Variants in CNTNAP5 observed in about 807,000 individuals in gnomAD.
CNTNAP5 encodes contactin-associated protein-like 5.
In CNTNAP5, 72 loss-of-function variants were observed where a neutral mutation model predicts 150.2. The observed-to-expected ratio is 0.48, with a 90% confidence interval of 0.40 to 0.58. CNTNAP5 has a LOEUF of 0.58. CNTNAP5 is among the 20% of genes least tolerant of loss of function. The pLI is 0.00. For synonymous variants in CNTNAP5, 672 were observed against 619.8 expected (o/e 1.08, Z -1.25); for missense variants, 1,636 against 1,626.2 (o/e 1.01, Z -0.10).
chr2:124,222,722 C>T (rs1459520134), intron 2 of CNTNAP5, among the ~76,000 whole-genome samples: 16 of 140,852 alleles, frequency 1.1e-4, no homozygotes, highest in Middle Eastern at 3.6e-3. Flanking sequence ...TCTAATTGGT[C>T]GTTGTGTTTT....
At chr2:124,592,029 G>C (rs1287193152) in intron 11 of CNTNAP5, among the ~76,000 whole-genome samples, 1 of 152,096 alleles carries the variant, frequency 6.6e-6, no homozygotes, top group African/African-American at 2.4e-5. Context: ...CAGAAGCTCA[G>C]CTTGTAGTGT....
chr2:124,396,089 T>G lies in CNTNAP5; in HGVS notation c.382-21354T>G, dbSNP rs552442024. Among the ~76,000 whole-genome samples the G allele has an allele frequency of 3.3e-5, 5 of 152,292 alleles. No homozygotes were observed. In the South Asian group the frequency reaches 1.0e-3, roughly 32 times the overall value. ...GAGTTTATAGTACATTCAGGGATTG[T>G]GAGAAATAAGACTCAAAGCAGAACA... On this transcript the variant is annotated intron_variant, in intron 3 of 23. Coordinates refer to ENST00000682447, the MANE Select transcript of CNTNAP5 (RefSeq NM_001367498.1).
chr2:124,826,654 C>G (rs1246588172), intron 19 of CNTNAP5, among the ~76,000 whole-genome samples: 2 of 152,126 alleles, frequency 1.3e-5, no homozygotes, highest in African/African-American at 2.4e-5. Context: ...CAACCCCTAC[C>G]CTCTCACATC....
chr2:124,898,390 T>A (rs563877462), intron 21 of CNTNAP5, among the ~76,000 whole-genome samples: 3 of 151,426 alleles, frequency 2.0e-5, no homozygotes, highest in Admixed American at 6.6e-5. Context: ...CACACAAACC[T>A]GCCTGCACAA....
In CNTNAP5 at chr2:124,720,671, T is replaced by G. The variant is rs185364902; in HGVS notation, c.2078-26558T>G. Among the ~76,000 whole-genome samples the G allele has an allele frequency of 4.3e-4, 65 of 152,312 alleles. 1 individual carries two copies. Among genetic ancestry groups the G allele is most frequent in the African/African-American group, 1.4e-3 (57 of 41,566 alleles). On this transcript the variant is annotated intron_variant, in intron 13 of 23. Coordinates refer to ENST00000682447, the MANE Select transcript of CNTNAP5 (RefSeq NM_001367498.1). The stretch of plus-strand genomic sequence containing the variant: ...AATTTCATTTCCTCTGAATGAGCCT[T>G]GCTGAGATCCTGAGAATAAAAACCA...
intron 3 of CNTNAP5, among the ~76,000 whole-genome samples, chr2:124,408,162 T>G (rs996515539): frequency 6.6e-6 from 1 of 152,176 alleles, no homozygotes; most frequent in Non-Finnish European, 1.5e-5. Context: ...ACCCGAATAC[T>G]GCGCTTTTCC....
intron 12 of CNTNAP5, among the ~76,000 whole-genome samples, chr2:124,614,632 G>C (rs374985151): frequency 7.2e-5 from 11 of 152,218 alleles, no homozygotes; most frequent in African/African-American, 1.7e-4. Context: ...TGGCGGGAGT[G>C]TCTCTTAGCA....
At chr2:124,545,036 C>T (rs1323388424) in intron 10 of CNTNAP5, among the ~76,000 whole-genome samples, 1 of 152,068 alleles carries the variant, frequency 6.6e-6, no homozygotes, top group Non-Finnish European at 1.5e-5. Flanking sequence ...CTTTATATTA[C>T]TTAAGAAGAC....
At chr2:124,505,977 C>A (rs1183297250) in intron 8 of CNTNAP5, among the ~76,000 whole-genome samples, 1 of 152,086 alleles carries the variant, frequency 6.6e-6, no homozygotes, top group Admixed American at 6.5e-5. Context: ...CTGCATGGTT[C>A]TTTTATCCAA....
At chr2:124,582,323 G>T (rs1696433591) in intron 11 of CNTNAP5, among the ~76,000 whole-genome samples, 1 of 152,128 alleles carries the variant, frequency 6.6e-6, no homozygotes, top group South Asian at 2.1e-4. Flanking sequence ...ACTCACTCCA[G>T]AAACCAGGAT....
intron 19 of CNTNAP5, among the ~76,000 whole-genome samples, chr2:124,851,733 G>A (rs1364195050): frequency 2.0e-5 from 3 of 152,278 alleles, no homozygotes; most frequent in East Asian, 1.9e-4. Flanking sequence ...TTATATGGTC[G>A]CCTTAGCCAA....
chr2:124,038,051 G>A (rs527868844), intron 1 of CNTNAP5, among the ~76,000 whole-genome samples: 1 of 152,242 alleles, frequency 6.6e-6, no homozygotes, highest in African/African-American at 2.4e-5. Flanking sequence ...CCCAAATCCA[G>A]ACTGTAAGCT....
intron 20 of CNTNAP5, among the ~76,000 whole-genome samples, 165 bp from the exon 21 acceptor site, chr2:124,869,510 T>C (rs1297253746): frequency 1.3e-5 from 2 of 152,108 alleles, no homozygotes; most frequent in African/African-American, 2.4e-5. Context: ...TTTATGTGCG[T>C]TGTGGGCAAA....
chr2:124,344,618 T>C (rs1310480293), intron 3 of CNTNAP5, among the ~76,000 whole-genome samples: 1 of 151,948 alleles, frequency 6.6e-6, no homozygotes, highest in Admixed American at 6.6e-5. Context: ...TAGCTGGATG[T>C]GATGATGTGC....
intron 6 of CNTNAP5, among the ~76,000 whole-genome samples, chr2:124,468,921 C>T (rs1324656058): frequency 7.9e-5 from 12 of 152,242 alleles, no homozygotes; most frequent in Admixed American, 7.9e-4. Flanking sequence ...TTCTCCTCCC[C>T]AGCTGATTTG....
At chr2:124,164,609 A>G (rs1684767322) in intron 1 of CNTNAP5, among the ~76,000 whole-genome samples, 1 of 152,264 alleles carries the variant, frequency 6.6e-6, no homozygotes, top group East Asian at 1.9e-4. Flanking sequence ...ACACTAAAAC[A>G]CCTTTGATTT....
intron 10 of CNTNAP5, among the ~76,000 whole-genome samples, chr2:124,557,338 A>C (rs547649464): frequency 2.7e-5 from 4 of 150,000 alleles, no homozygotes; most frequent in Admixed American, 6.7e-5. Flanking sequence ...TAAAAAAAAA[A>C]CACAAAAGTG....
intron 4 of CNTNAP5, among the ~76,000 whole-genome samples, chr2:124,422,047 G>A (rs2104782244): frequency 6.6e-6 from 1 of 152,264 alleles, no homozygotes; most frequent in Non-Finnish European, 1.5e-5. Flanking sequence ...TCTACTAACA[G>A]CCAGCACTTA....
chr2:124,436,254 G>A (rs72966669), intron 5 of CNTNAP5, among the ~76,000 whole-genome samples: 15,246 of 152,042 alleles, frequency 0.1, 1,241 homozygotes, highest in African/African-American at 0.2. Context: ...TTCAGATATG[G>A]CATTTCACAT....
Sources: allele counts gnomAD v4.1 joint callset (sites outside exome capture counted in the v4.1 genomes callset), GRCh38; gene constraint gnomAD v4.1.1; transcripts MANE v1.5; gene names NCBI Gene and HGNC (gene_info 2026-07-23, HGNC 2026-07-21).